Variants in ANK3 observed in about 807,000 individuals in gnomAD.
ANK3 encodes ankyrin-3.
Under a neutral mutation model 370.9 loss-of-function variants are expected in ANK3, and 57 were observed. The observed-to-expected ratio is 0.15, with a 90% CI of 0.12 to 0.19. ANK3 has a LOEUF of 0.19. Among genes scored for constraint, ANK3 ranks in the 10% least tolerant of loss-of-function variants. The pLI is 1.00. For missense variants in ANK3, 4,439 were observed against 5,302.1 expected, an observed-to-expected ratio of 0.84 and a Z score of 5.06; for synonymous variants, 1,929 against 1,946.3, an observed-to-expected ratio of 0.99 and a Z score of 0.23.
intron 1 of ANK3, among the ~76,000 whole-genome samples, chr10:60,350,383 T>C (rs1334147107): frequency 2.0e-5 from 3 of 152,172 alleles, no homozygotes; most frequent in African/African-American, 7.2e-5. Context: ...TAAATAAATG[T>C]GGTTGAAAAA....
chr10:60,173,702 G>A (rs2095852250), intron 18 of ANK3, among the ~76,000 whole-genome samples: 1 of 152,160 alleles, frequency 6.6e-6, no homozygotes, highest in Non-Finnish European at 1.5e-5. Flanking sequence ...GAGCTCAGGT[G>A]GTCTGAGAAG....
At chr10:60,699,628 T>C (rs147346021) in intron 1 of ANK3, among the ~76,000 whole-genome samples, 1 of 152,062 alleles carries the variant, frequency 6.6e-6, no homozygotes, top group Middle Eastern at 3.4e-3. Flanking sequence ...TAATGATCAA[T>C]TTTTTAAAAT....
intron 42 of ANK3, among the ~76,000 whole-genome samples, chr10:60,054,594 T>C (rs971970224): frequency 1.3e-5 from 2 of 152,180 alleles, no homozygotes; most frequent in Non-Finnish European, 2.9e-5. Context: ...TAGTCAGATA[T>C]TGTCTGCAGA....
chr10:60,110,245 C>G (rs11597608), intron 26 of ANK3, among the ~76,000 whole-genome samples: 5,662 of 152,252 alleles, frequency 0.037, 169 homozygotes, highest in Non-Finnish European at 0.057. Flanking sequence ...AATGCTACCT[C>G]TTGACCTTGA....
chr10:60,115,310 T>A (rs1413677024), intron 25 of ANK3, among the ~76,000 whole-genome samples: 1 of 152,210 alleles, frequency 6.6e-6, no homozygotes, highest in African/African-American at 2.4e-5. Context: ...AATTAAAATT[T>A]ACTATTCTAT....
rs117475706 is a variant in ANK3 at position 60,075,299 on chromosome 10, G to A, written c.5582C>T (p.Thr1861Met). Residue 1861 changes from threonine to methionine, a missense_variant, in exon 37 of 44, where the codon ACG becomes ATG. Transcript: ENST00000280772. ...ALLSPIKTLT[T>M]ETHPQPHFSR... Reference sequence around the variant, plus strand: ...GAAGTGAGGCTGAGGATGTGTCTCCGTAGTCAATGTTTTAATGGGTGACAG... The same window carrying A: ...GAAGTGAGGCTGAGGATGTGTCTCCATAGTCAATGTTTTAATGGGTGACAG... The A allele has an allele frequency of 4.3e-3, 6,963 of 1,614,154 alleles. 17 individuals are homozygous for A. The highest frequency in any genetic ancestry group is 5.4e-3 in the Non-Finnish European group (6,386 of 1,180,000).
intron 2 of ANK3, among the ~76,000 whole-genome samples, chr10:60,402,692 T>G (rs2063375688): frequency 6.6e-6 from 1 of 152,170 alleles, no homozygotes; most frequent in Non-Finnish European, 1.5e-5. Context: ...ATGGCCAAGC[T>G]ACCATGTCAA....
intron 2 of ANK3, chr10:60,507,986 A>G (rs1269794641): frequency 1.3e-5 from 2 of 152,164 alleles, no homozygotes; most frequent in Non-Finnish European, 2.9e-5. Flanking sequence ...GGAAACTCCA[A>G]TTACACTTCT....
At chr10:60,639,814 T>C (rs570203127) in intron 1 of ANK3, among the ~76,000 whole-genome samples, 2 of 151,940 alleles carry the variant, frequency 1.3e-5, no homozygotes, top group South Asian at 4.2e-4. Flanking sequence ...AACATATGGA[T>C]CAAATAGTAA....
intron 1 of ANK3, among the ~76,000 whole-genome samples, chr10:60,344,107 G>A (rs2054881749): frequency 6.6e-6 from 1 of 152,210 alleles, no homozygotes; most frequent in African/African-American, 2.4e-5. Flanking sequence ...TTGCCTGCCC[G>A]CCATTGCCAT....
intron 1 of ANK3, among the ~76,000 whole-genome samples, chr10:60,327,363 G>GT (rs1374665374): frequency 2.0e-5 from 3 of 152,076 alleles, no homozygotes; most frequent in African/African-American, 7.2e-5. Context: ...GCTGTTTTTT[G>GT]TTTTTTCTTT....
chr10:60,646,196 T>C (rs1012009383), intron 1 of ANK3, among the ~76,000 whole-genome samples: 1 of 151,920 alleles, frequency 6.6e-6, no homozygotes, highest in Non-Finnish European at 1.5e-5. Flanking sequence ...TAGAGTACAA[T>C]GAGTGAGGGA....
At chr10:60,684,719 A>T in intron 1 of ANK3, 1 of 1,586,756 alleles carries the variant, frequency 6.3e-7, no homozygotes, top group Non-Finnish European at 8.6e-7. Flanking sequence ...GTCACTTTTC[A>T]CTTCGGGGAT....
chr10:60,203,216 G>T, intron 11 of ANK3, 116 bp from the exon 12 acceptor site: 1 of 633,348 alleles, frequency 1.6e-6, no homozygotes, highest in South Asian at 2.2e-5. Flanking sequence ...GATCGGATTA[G>T]AAGACATCAG....
intron 1 of ANK3, among the ~76,000 whole-genome samples, chr10:60,364,159 TG>T (rs1259590540): frequency 6.6e-6 from 1 of 151,410 alleles, no homozygotes; most frequent in African/African-American, 2.4e-5. Flanking sequence ...CCGGGCATGG[TG>T]GTGGGTGCCT....
At position 60,565,705 on chromosome 10, in the gene ANK3, C is replaced by A. The variant is rs16915149; in HGVS notation, c.96+49481G>T. On this transcript the variant is annotated intron_variant, in intron 2 of 43. Coordinates refer to the ANK3 transcript ENST00000373827. ...TTCTCTCTCATCTCACACTCTCTAA[C>A]TGGAACACTCTTATCCTCTGTCATC... 9.6e-3 allele frequency among the ~76,000 whole-genome samples: 1,461 copies of A among 152,300 alleles called. 31 individuals carry two copies. The highest frequency in any genetic ancestry group is 0.034 in the African/African-American group (1,398 of 41,574).
At chr10:60,649,997 C>T (rs1401358351) in intron 1 of ANK3, among the ~76,000 whole-genome samples, 1 of 152,204 alleles carries the variant, frequency 6.6e-6, no homozygotes, top group African/African-American at 2.4e-5. Flanking sequence ...AAGTCTCCAT[C>T]AGCCTGGGTC....
At chr10:60,641,344 C>T (rs1237612791) in intron 1 of ANK3, among the ~76,000 whole-genome samples, 14 of 152,072 alleles carry the variant, frequency 9.2e-5, no homozygotes, top group Admixed American at 7.2e-4. Context: ...GCCAAAAGAA[C>T]AAAGCTGGAG....
At chr10:60,555,402 G>A (rs2133239242) in intron 2 of ANK3, among the ~76,000 whole-genome samples, 1 of 152,216 alleles carries the variant, frequency 6.6e-6, no homozygotes, top group East Asian at 1.9e-4. Context: ...GAGCCCAGGA[G>A]TTGGAGGCTG....
Sources: allele counts gnomAD v4.1 joint callset (sites outside exome capture counted in the v4.1 genomes callset), GRCh38; gene constraint gnomAD v4.1.1; transcripts MANE v1.5; gene names NCBI Gene and HGNC (gene_info 2026-07-23, HGNC 2026-07-21).